RRP12: variants seen among roughly 807,000 people sequenced by gnomAD.
The protein encoded by RRP12 is ribosomal RNA processing 12 homolog, also known as RRP12-like protein.
A neutral mutation model predicts 157.3 loss-of-function variants in RRP12; 78 were observed. The observed-to-expected ratio is 0.50, with a 90% CI of 0.41 to 0.60. The LOEUF (loss-of-function observed/expected upper bound fraction) is 0.60. Among genes scored for constraint, RRP12 ranks in the 20% least tolerant of loss-of-function variants. The pLI, the probability that RRP12 is intolerant of heterozygous loss-of-function variation, is 0.00. For missense variants in RRP12, 1,521 were observed against 1,679.9 expected, an observed-to-expected ratio of 0.91 and a Z score of 1.65; for synonymous variants, 726 against 670.9, an observed-to-expected ratio of 1.08 and a Z score of -1.27.
rs147212730 is a variant in RRP12, at chr10:97,389,901, C to T, written c.753+522G>A. ...CTAATTTTTATATTTTTAGTAGAGT[C>T]GAGGTTTCACTATGTTGGCCAGGCT... is the stretch of plus-strand genomic sequence containing the variant. On this transcript the variant is annotated intron_variant, in intron 6 of 33. Transcript: ENST00000370992. 6.4e-3 allele frequency among the ~76,000 whole-genome samples: 966 copies of T among 152,090 alleles called. 5 individuals carry two copies. Among genetic ancestry groups the T allele is most frequent in the Non-Finnish European group, 0.011 (765 of 67,984 alleles).
intron 8 of RRP12, among the ~76,000 whole-genome samples, chr10:97,387,643 T>TA (rs11316168): frequency 0.052 from 7,591 of 146,158 alleles, 241 homozygotes; most frequent in East Asian, 0.13. Context: ...TTAAAGCTGC[T>TA]AAAAAAAAAA....
At position 97,358,760 on chromosome 10, in the gene RRP12, T is replaced by C; in HGVS notation, c.3709-141A>G. The stretch of plus-strand genomic sequence containing the variant: ...GAGCTCCTGTATCCTTGGAAGGCCA[T>C]TCAATAAGGTCCCCCATTTCAGATG... On this transcript the variant is annotated intron_variant, in intron 32 of 33. Transcript: ENST00000370992. 6 of 798,658 alleles carry C rather than the reference T, an allele frequency of 7.5e-6. No individual in the cohort carries two copies. In the Admixed American group the frequency reaches 1.0e-4, roughly 14 times the overall value. 49.5% of individuals were successfully genotyped at this position (798,658 alleles called of 1,614,324 possible). A position where few individuals can be genotyped will look rare whatever the true frequency, so the allele number is the denominator to read the frequency against.
chr10:97,395,424 C>T (rs945739719), intron 3 of RRP12, among the ~76,000 whole-genome samples: 9 of 151,624 alleles, frequency 5.9e-5, no homozygotes, highest in East Asian at 1.9e-4. Context: ...TGGTGGCGCA[C>T]GCCTGTAATC....
In RRP12 at chr10:97,371,041, A is replaced by G. The variant is rs1400713040; in HGVS notation, c.2384T>C (p.Leu795Pro). The G allele has an allele frequency of 1.9e-6, 3 of 1,613,898 alleles. No homozygotes were observed. Among genetic ancestry groups the G allele is most frequent in the Non-Finnish European group, 2.5e-6 (3 of 1,179,976 alleles). Residue 795 changes from leucine (L) to proline (P), a missense_variant, in exon 21 of 34, where the codon CTG (leucine) becomes CCG (proline). Leu to Pro is a moderately conservative substitution (Grantham distance 98). Coordinates refer to ENST00000370992, the MANE Select transcript of RRP12 (RefSeq NM_015179.4). ...HGVQKKAYRV[L>P]EEVCASPQGP... ...CTGAGGACTGGCACACACCTCCTCC[A>G]GCACTCGGTAGGCCTTCTTCTGCAC... is the stretch of plus-strand genomic sequence containing the variant.
chr10:97,357,677 G>A (rs1315659157), intron 33 of RRP12, among the ~76,000 whole-genome samples: 2 of 152,178 alleles, frequency 1.3e-5, no homozygotes, highest in African/African-American at 2.4e-5. Context: ...TGATGACTAT[G>A]GCTGGGCGTG....
At chr10:97,381,663 C>A in intron 11 of RRP12, 52 bp downstream of exon 11, 1 of 1,479,448 alleles carries the variant, frequency 6.8e-7, no homozygotes. Context: ...AAAGACAGGG[C>A]AGCCCATAGA....
intron 33 of RRP12, among the ~76,000 whole-genome samples, chr10:97,357,962 C>CA (rs1210048572): frequency 0.11 from 8,386 of 77,518 alleles, 265 homozygotes; most frequent in African/African-American, 0.15. Context: ...GACTCCGTCT[C>CA]AAAAAAAAAA....
intron 14 of RRP12, 63 bp downstream of exon 14, chr10:97,379,565 A>G: frequency 6.2e-7 from 1 of 1,600,902 alleles, no homozygotes; most frequent in Non-Finnish European, 8.5e-7. Flanking sequence ...AGCAGCAGAC[A>G]TCCTTTCCAG....
At chr10:97,381,540 C>A in intron 11 of RRP12, 57 bp from the exon 12 acceptor site, 1 of 1,382,254 alleles carries the variant, frequency 7.2e-7, no homozygotes, top group Admixed American at 2.2e-5. Context: ...GGACCACTCT[C>A]CCCTCCCAGG....
At position 97,400,302 on chromosome 10, in the gene RRP12, T is replaced by C. The variant is rs1410211485; in HGVS notation, c.369+3A>G. 25 of 1,612,626 alleles carry C rather than the reference T, an allele frequency of 1.6e-5. No individual in the cohort carries two copies. Among genetic ancestry groups the C allele is most frequent in the Non-Finnish European group, 2.1e-5 (25 of 1,178,798 alleles). Reference sequence around the variant, plus strand: ...CTATGGCCCTCCCGACCCTCGCCCCTACCTCCTTGTGGGCAGCCGAGTTGG... The same window carrying C: ...CTATGGCCCTCCCGACCCTCGCCCCCACCTCCTTGTGGGCAGCCGAGTTGG... On this transcript the variant is annotated splice_donor_region_variant and intron_variant, in intron 2 of 33. Transcript: ENST00000370992.
chr10:97,379,536 G>C lies in RRP12; in HGVS notation c.1676+92C>G, dbSNP rs1326737455. 149 of 1,591,410 alleles carry C rather than the reference G, an allele frequency of 9.4e-5. No homozygotes were observed. In the East Asian group the frequency reaches 3.2e-3, roughly 34 times the overall value. On this transcript the variant is annotated intron_variant, in intron 14 of 33. Transcript: ENST00000370992. ...GGCCCCTCCTGCTGAGCCCTGCACT[G>C]ACACAGACTTTAGCCCACAGCAGCA...
chr10:97,373,772 C>T (rs1191953819), intron 16 of RRP12, 35 bp from the exon 17 acceptor site: 8 of 1,612,368 alleles, frequency 5.0e-6, no homozygotes, highest in African/African-American at 1.3e-5. Flanking sequence ...GAAGGTGACA[C>T]GCAGCCACCT....
chr10:97,400,176 G>T (rs1845099071), intron 2 of RRP12, 129 bp downstream of exon 2: 1 of 721,700 alleles, frequency 1.4e-6, no homozygotes, highest in Non-Finnish European at 2.4e-6. Context: ...GACATAAAGG[G>T]GAGGAGCGAT....
chr10:97,369,096 C>T (rs1844067053), intron 25 of RRP12, among the ~76,000 whole-genome samples: 2 of 151,836 alleles, frequency 1.3e-5, no homozygotes, highest in African/African-American at 4.8e-5. Flanking sequence ...GGAGGGAGAG[C>T]CCAGCGTCTG....
intron 9 of RRP12, among the ~76,000 whole-genome samples, chr10:97,385,644 C>T (rs763520873): frequency 2.6e-5 from 4 of 152,182 alleles, no homozygotes; most frequent in Non-Finnish European, 5.9e-5. Flanking sequence ...ATGAGCACCA[C>T]GAGACCATGC....
chr10:97,381,647 G>T, intron 11 of RRP12, 68 bp downstream of exon 11: 2 of 1,420,020 alleles, frequency 1.4e-6, no homozygotes, highest in South Asian at 1.2e-5. Flanking sequence ...TGGGGCCAGT[G>T]CTGGGAAAGA....
chr10:97,399,875 G>A (rs932675173), intron 2 of RRP12, among the ~76,000 whole-genome samples: 2 of 152,010 alleles, frequency 1.3e-5, no homozygotes, highest in African/African-American at 2.4e-5. Context: ...TGAAGATTGC[G>A]CTACTGCACT....
At chr10:97,362,258 G>T (rs1156411765) in intron 30 of RRP12, among the ~76,000 whole-genome samples, 8 of 152,190 alleles carry the variant, frequency 5.3e-5, no homozygotes, top group African/African-American at 1.9e-4. Flanking sequence ...TCTGCCCGGG[G>T]CAGTGGGGGA....
chr10:97,387,256 T>C (rs1487757473), intron 8 of RRP12, among the ~76,000 whole-genome samples: 1 of 152,218 alleles, frequency 6.6e-6, no homozygotes, highest in East Asian at 1.9e-4. Context: ...AAACTGTACA[T>C]GTTCAGTACA....
Sources: gnomAD v4.1 joint callset for allele counts (sites outside exome capture counted in the v4.1 genomes callset) on GRCh38, gnomAD v4.1.1 for gene constraint, MANE v1.5 for transcripts, NCBI Gene and HGNC (gene_info 2026-07-23, HGNC 2026-07-21) for gene names.